The following SHISA6 variants were observed in gnomAD, a reference collection of about 807,000 sequenced individuals.
SHISA6 encodes the protein shisa family member 6, also known as protein shisa-6.
SHISA6 carries 22 observed loss-of-function variants against 47.9 expected under a neutral mutation model. That is an observed-to-expected ratio of 0.46 (90% CI 0.33 to 0.66). The LOEUF is 0.66. Ranked by LOEUF, SHISA6 falls within the 30% of genes least tolerant of loss-of-function variation. The pLI is 0.02. For missense variants in SHISA6, 680 were observed against 764.6 expected, an observed-to-expected ratio of 0.89 and a Z score of 1.30; for synonymous variants, 388 against 337.8, an observed-to-expected ratio of 1.15 and a Z score of -1.63.
At chr17:11,537,659 A>G (rs925439185) in intron 3 of SHISA6, among the ~76,000 whole-genome samples, 2 of 152,164 alleles carry the variant, frequency 1.3e-5, no homozygotes, top group Non-Finnish European at 2.9e-5. Context: ...AAGCTCAGAT[A>G]AGCAATCCAG....
intron 3 of SHISA6, among the ~76,000 whole-genome samples, chr17:11,463,847 G>A (rs1477012343): frequency 6.6e-6 from 1 of 152,158 alleles, no homozygotes; most frequent in Non-Finnish European, 1.5e-5. Flanking sequence ...TATACATTTT[G>A]TAAATACATG....
intron 2 of SHISA6, among the ~76,000 whole-genome samples, chr17:11,334,381 T>C (rs72824645): frequency 0.061 from 9,298 of 152,258 alleles, 286 homozygotes; most frequent in Middle Eastern, 0.1. Flanking sequence ...AAACAGCTTT[T>C]TGAGAGTGCT....
chr17:11,382,352 T>C (rs1913039591), intron 3 of SHISA6, among the ~76,000 whole-genome samples: 1 of 152,166 alleles, frequency 6.6e-6, no homozygotes, highest in Non-Finnish European at 1.5e-5. Context: ...GTGCTGAGTT[T>C]ATGGGATTGA....
At chr17:11,356,490 C>A (rs1044996893) in intron 2 of SHISA6, among the ~76,000 whole-genome samples, 4 of 152,232 alleles carry the variant, frequency 2.6e-5, no homozygotes, top group Admixed American at 2.6e-4. Flanking sequence ...TTAAAGTTCA[C>A]ACCCAAGGAG....
At chr17:11,475,028 C>T (rs1404256762) in intron 3 of SHISA6, among the ~76,000 whole-genome samples, 4 of 151,980 alleles carry the variant, frequency 2.6e-5, no homozygotes, top group Non-Finnish European at 4.4e-5. Flanking sequence ...AGCAGAGTTT[C>T]GTATCACTCA....
rs76432407 is a variant in SHISA6, at chr17:11,344,313, C to T, written c.800-35101C>T. ...CTGATGGTGTCCTTTGAAACAAAAACGTTTAAAAATATGATGAAATACATT... is the reference window on the plus strand; with the variant it reads ...CTGATGGTGTCCTTTGAAACAAAAATGTTTAAAAATATGATGAAATACATT... On this transcript the variant is annotated intron_variant, in intron 2 of 5. Transcript: ENST00000441885. 9.3e-3 allele frequency among the ~76,000 whole-genome samples: 1,411 copies of T among 152,132 alleles called. 19 individuals are homozygous for T. The highest frequency in any genetic ancestry group is 0.032 in the African/African-American group (1,325 of 41,490).
intron 2 of SHISA6, among the ~76,000 whole-genome samples, chr17:11,335,856 TA>T (rs1911300780): frequency 4.6e-5 from 7 of 152,174 alleles, no homozygotes. Flanking sequence ...GTTTATTTCA[TA>T]ACACGCTTAG....
chr17:11,241,600 G>A lies in SHISA6; in HGVS notation c.178G>A (p.Gly60Ser). 1.6e-6 allele frequency: 2 copies of A among 1,259,346 alleles called. No individual in the cohort carries two copies. The highest frequency in any genetic ancestry group is 2.6e-5 in the South Asian group (1 of 38,090). The allele number at this position is 1,259,346 out of a possible 1,614,324, so 78.0% of individuals were successfully genotyped here. A position where few individuals can be genotyped will look rare whatever the true frequency, so the allele number is the denominator to read the frequency against. Residue 60 changes from glycine (G) to serine (S), a missense_variant, in exon 1 of 6, where the codon GGC (glycine) becomes AGC (serine). Around this residue, in one of 2 missense-constraint regions of SHISA6, gnomAD observed 121 missense variants for 90.5 expected, o/e 1.34. Transcript: ENST00000441885. This position sits in a 1 kb window ranked among gnomAD's most constrained non-coding sequence, Gnocchi z 5.5. ...GGCACGGGGCGGCCGCGAGCTGAAC[G>A]GCACCGCCCGGGCGCCCGGAATCCC... ...ALARGGRELN[G>S]TARAPGIPEA...
chr17:11,338,889 A>G (rs1007914423), intron 2 of SHISA6, among the ~76,000 whole-genome samples: 8 of 152,236 alleles, frequency 5.3e-5, no homozygotes, highest in African/African-American at 1.9e-4. Context: ...AAAAGCTGGG[A>G]AAAACCTAAA....
At chr17:11,530,126 C>T (rs1261725557) in intron 3 of SHISA6, among the ~76,000 whole-genome samples, 1 of 152,178 alleles carries the variant, frequency 6.6e-6, no homozygotes, top group Non-Finnish European at 1.5e-5. Flanking sequence ...ATTAGAACCC[C>T]TCTACATTCT....
At chr17:11,396,130 A>G (rs1293309355) in intron 3 of SHISA6, among the ~76,000 whole-genome samples, 2 of 152,222 alleles carry the variant, frequency 1.3e-5, no homozygotes, top group Non-Finnish European at 2.9e-5. Context: ...CTTTTTCAGC[A>G]TCTGTAGAGA....
At chr17:11,323,720 G>T (rs1276334013) in intron 2 of SHISA6, among the ~76,000 whole-genome samples, 1 of 151,538 alleles carries the variant, frequency 6.6e-6, no homozygotes, top group Non-Finnish European at 1.5e-5. Context: ...TTGTGGTCGA[G>T]CTGGGACTTC....
intron 2 of SHISA6, among the ~76,000 whole-genome samples, chr17:11,345,088 A>G (rs1213861133): frequency 1.3e-5 from 2 of 152,128 alleles, no homozygotes; most frequent in Admixed American, 6.5e-5. Flanking sequence ...ATTCTTATCC[A>G]TGTTGCCCTG....
chr17:11,329,266 C>T (rs578054836), intron 2 of SHISA6, among the ~76,000 whole-genome samples: 2 of 152,224 alleles, frequency 1.3e-5, no homozygotes, highest in East Asian at 1.9e-4. Context: ...GACTGCTGAA[C>T]ATGGACACCG....
At chr17:11,312,986 C>T (rs983054343) in intron 2 of SHISA6, among the ~76,000 whole-genome samples, 1 of 152,128 alleles carries the variant, frequency 6.6e-6, no homozygotes, top group Non-Finnish European at 1.5e-5. Context: ...TTGATTTGTA[C>T]CATTTGCCAA....
chr17:11,483,625 A>C (rs939093431), intron 3 of SHISA6, among the ~76,000 whole-genome samples: 47 of 152,328 alleles, frequency 3.1e-4, no homozygotes, highest in Non-Finnish European at 1.9e-4. Context: ...TTATTTATGA[A>C]GTTTATAATC....
At chr17:11,537,574 A>G (rs562740210) in intron 3 of SHISA6, among the ~76,000 whole-genome samples, 60 of 152,294 alleles carry the variant, frequency 3.9e-4, no homozygotes, top group African/African-American at 1.4e-3. Context: ...GTGAAATGCT[A>G]TGACCCACAA....
chr17:11,468,704 G>A (rs866186252), intron 3 of SHISA6, among the ~76,000 whole-genome samples: 67 of 152,166 alleles, frequency 4.4e-4, no homozygotes, highest in African/African-American at 1.5e-3. Flanking sequence ...TGGGTGCAAC[G>A]GCTTCTACCA....
chr17:11,269,061 T>C (rs111543060), intron 2 of SHISA6, among the ~76,000 whole-genome samples: 62 of 151,290 alleles, frequency 4.1e-4, no homozygotes, highest in Non-Finnish European at 8.1e-4. Context: ...TTTTTTTTTT[T>C]AATGGAGTCT....
Sources: gnomAD v4.1 joint callset for allele counts (sites outside exome capture counted in the v4.1 genomes callset) on GRCh38, gnomAD v4.1.1 for gene constraint, gnomAD v4.1.1 regional missense constraint, Gnocchi (gnomAD v3.1) non-coding constraint, MANE v1.5 for transcripts, NCBI Gene and HGNC (gene_info 2026-07-23, HGNC 2026-07-21) for gene names.